The following ESR1 variants were observed in gnomAD, a reference collection of about 807,000 sequenced individuals.
ESR1 encodes the protein estrogen receptor.
Under a neutral mutation model 52.7 loss-of-function variants are expected in ESR1, and 12 were observed. That is an observed-to-expected ratio of 0.23 (90% CI 0.15 to 0.37). The LOEUF (loss-of-function observed/expected upper bound fraction) is 0.37. Ranked by LOEUF, ESR1 falls within the 10% of genes least tolerant of loss-of-function variation. The pLI is 1.00. For synonymous variants in ESR1, 305 were observed against 316.8 expected (o/e 0.96, Z 0.39); for missense variants, 584 against 779.7 (o/e 0.75, Z 2.99).
intron 2 of ESR1, among the ~76,000 whole-genome samples, chr6:151,779,118 T>C (rs1036728113): frequency 6.6e-6 from 1 of 152,224 alleles, no homozygotes; most frequent in Non-Finnish European, 1.5e-5. Flanking sequence ...TTTGTCAATT[T>C]TGGCTTTTGT....
At chr6:152,048,007 T>C (rs992336738) in intron 5 of ESR1, among the ~76,000 whole-genome samples, 1 of 145,746 alleles carries the variant, frequency 6.9e-6, no homozygotes, top group Non-Finnish European at 1.5e-5. Context: ...CAAACGCATG[T>C]CTCTCTTCTT....
At chr6:151,842,434 C>T (rs537917625) in intron 1 of ESR1, among the ~76,000 whole-genome samples, 163 bp from the exon 2 acceptor site, 2 of 152,270 alleles carry the variant, frequency 1.3e-5, no homozygotes, top group East Asian at 3.9e-4. Flanking sequence ...ATATAATAGG[C>T]AACACCTTTT....
intron 1 of ESR1, among the ~76,000 whole-genome samples, chr6:151,682,257 A>G (rs1224686262): frequency 6.6e-6 from 1 of 152,214 alleles, no homozygotes; most frequent in Non-Finnish European, 1.5e-5. Context: ...AAATGGCACC[A>G]TTGAATTGCA....
intron 6 of ESR1, among the ~76,000 whole-genome samples, chr6:152,124,269 A>C (rs947758379): frequency 6.6e-6 from 1 of 152,160 alleles, no homozygotes; most frequent in African/African-American, 2.4e-5. Context: ...TCGGAACACC[A>C]CTGCACTCCA....
At chr6:152,021,102 G>C (rs2043607175) in intron 5 of ESR1, among the ~76,000 whole-genome samples, 1 of 152,134 alleles carries the variant, frequency 6.6e-6, no homozygotes, top group South Asian at 2.1e-4. Flanking sequence ...GTCTGTGAGG[G>C]TGTTACCAAA....
intron 4 of ESR1, among the ~76,000 whole-genome samples, chr6:152,004,899 G>C (rs1327175727): frequency 2.6e-5 from 4 of 151,964 alleles, no homozygotes; most frequent in Non-Finnish European, 5.9e-5. Context: ...TTTATTTTAA[G>C]AAGCAGTACC....
intron 2 of ESR1, among the ~76,000 whole-genome samples, chr6:151,774,052 A>C (rs867222027): frequency 7.2e-5 from 11 of 152,216 alleles, no homozygotes; most frequent in South Asian, 2.1e-4. Flanking sequence ...GTAGAGTTGG[A>C]AGAAGTTAGA....
chr6:151,877,206 A>C lies in ESR1; in HGVS notation c.644-3449A>C, dbSNP rs186302043. 5.5e-3 allele frequency among the ~76,000 whole-genome samples: 833 copies of C among 152,230 alleles called. 11 individuals are homozygous for C. The highest frequency in any genetic ancestry group is 0.019 in the African/African-American group (796 of 41,534). ...TACATGTGCCATGCTGGTGAGCTGC[A>C]CCCACTAACTCGTCATCTAGCATTA... On this transcript the variant is annotated intron_variant, in intron 2 of 7. Coordinates refer to ENST00000206249, the MANE Select transcript of ESR1 (RefSeq NM_000125.4).
chr6:151,756,599 A>T (rs1784306020), intron 2 of ESR1, among the ~76,000 whole-genome samples: 1 of 152,194 alleles, frequency 6.6e-6, no homozygotes, highest in African/African-American at 2.4e-5. Context: ...GTTTTGTCCA[A>T]TGCTCTATTT....
intron 5 of ESR1, among the ~76,000 whole-genome samples, chr6:152,033,338 C>A (rs1054179487): frequency 2.2e-4 from 34 of 152,260 alleles, no homozygotes; most frequent in African/African-American, 7.9e-4. Context: ...AGAGAAACTA[C>A]CATCAGAGTG....
At chr6:151,999,138 G>C (rs547404302) in intron 4 of ESR1, among the ~76,000 whole-genome samples, 3 of 152,016 alleles carry the variant, frequency 2.0e-5, no homozygotes, top group Admixed American at 6.6e-5. Flanking sequence ...GATTTGAAAG[G>C]CAAGAAACAT....
intron 3 of ESR1, among the ~76,000 whole-genome samples, chr6:151,898,544 C>A (rs369139466): frequency 3.9e-5 from 6 of 151,916 alleles, no homozygotes; most frequent in Non-Finnish European, 7.4e-5. Flanking sequence ...GAGGACCCTG[C>A]GGCCTTCTGC....
upstream of ESR1, among the ~76,000 whole-genome samples, chr6:151,686,064 ATTTT>A (rs557270210): frequency 5.1e-4 from 58 of 114,334 alleles, no homozygotes; most frequent in East Asian, 3.6e-3. Flanking sequence ...AATTAAAACA[ATTTT>A]TTTTTTTTTT....
intron 2 of ESR1, among the ~76,000 whole-genome samples, chr6:151,875,678 G>A (rs1452039947): frequency 1.3e-5 from 2 of 152,276 alleles, no homozygotes; most frequent in African/African-American, 4.8e-5. Flanking sequence ...ACACTTAGAA[G>A]ATGAGTAGGA....
intron 4 of ESR1, among the ~76,000 whole-genome samples, chr6:151,997,893 G>T (rs1261457535): frequency 6.6e-6 from 1 of 152,122 alleles, no homozygotes; most frequent in African/African-American, 2.4e-5. Flanking sequence ...GCAAGCCCAG[G>T]AAAGCCACGG....
intron 2 of ESR1, among the ~76,000 whole-genome samples, chr6:151,766,906 C>T (rs1785101790): frequency 6.6e-6 from 1 of 152,190 alleles, no homozygotes; most frequent in Non-Finnish European, 1.5e-5. Flanking sequence ...TAGAGAAGTA[C>T]AATACCTGTC....
chr6:151,932,159 A>T (rs1001490333), intron 3 of ESR1, among the ~76,000 whole-genome samples: 2 of 151,528 alleles, frequency 1.3e-5, no homozygotes, highest in Non-Finnish European at 3.0e-5. Context: ...CTGGTGTGAG[A>T]TGGTATCTCA....
intron 2 of ESR1, among the ~76,000 whole-genome samples, chr6:151,715,975 T>G (rs1015537450): frequency 1.3e-5 from 2 of 152,240 alleles, no homozygotes; most frequent in Admixed American, 6.5e-5. Flanking sequence ...CATGGATTTA[T>G]CTACCTTTGG....
At chr6:151,916,500 GCAATAGGTA>G (rs1347599883) in intron 3 of ESR1, among the ~76,000 whole-genome samples, 1 of 152,110 alleles carries the variant, frequency 6.6e-6, no homozygotes, top group Non-Finnish European at 1.5e-5. Flanking sequence ...TCTGCTTGGG[GCAATAGGTA>G]CCTCCTTTGG....
Sources: gnomAD v4.1 joint callset for allele counts (sites outside exome capture counted in the v4.1 genomes callset) on GRCh38, gnomAD v4.1.1 for gene constraint, MANE v1.5 for transcripts, NCBI Gene and HGNC (gene_info 2026-07-23, HGNC 2026-07-21) for gene names.